Variants in CEP97 observed in about 807,000 individuals in gnomAD.
CEP97 encodes the protein centrosomal protein of 97 kDa.
Under a neutral mutation model 73.1 loss-of-function variants are expected in CEP97, and 43 were observed. That is an observed-to-expected ratio of 0.59 (90% CI 0.46 to 0.76). The LOEUF (loss-of-function observed/expected upper bound fraction) is 0.76. CEP97 is among the 30% of genes least tolerant of loss of function. CEP97 has a pLI of 0.00. For missense variants in CEP97, 939 were observed against 1,014.0 expected (o/e 0.93, Z 1.00); for synonymous variants, 337 against 370.0 (o/e 0.91, Z 1.02).
At chr3:101,726,062 G>A (rs1288948676) in intron 1 of CEP97, among the ~76,000 whole-genome samples, 5 of 152,310 alleles carry the variant, frequency 3.3e-5, no homozygotes, top group African/African-American at 9.6e-5. Flanking sequence ...CTTATTGAGT[G>A]CCCGGTGGCA....
chr3:101,743,022 T>C (rs1363575207), intron 6 of CEP97, among the ~76,000 whole-genome samples: 1 of 152,058 alleles, frequency 6.6e-6, no homozygotes, highest in Non-Finnish European at 1.5e-5. Flanking sequence ...GGTGGGTGGA[T>C]TGCTTGAGCC....
intron 7 of CEP97, 128 bp downstream of exon 7, chr3:101,755,722 A>C (rs891186776): frequency 1.2e-6 from 1 of 844,158 alleles, no homozygotes; most frequent in African/African-American, 1.7e-5. Flanking sequence ...TCCCCTTGTC[A>C]CTGCAACAGT....
rs982926050 is a variant in CEP97 at position 101,751,185 on chromosome 3, T to A, written c.729-4245T>A. On this transcript the variant is annotated intron_variant, in intron 6 of 10. Transcript: ENST00000341893. The stretch of plus-strand genomic sequence containing the variant: ...TTCGTTATGTACCCAGTAGTCAATC[T>A]GGAGCAGGTTGTTCAGTTACCATGT... Among the ~76,000 whole-genome samples, 5 of 152,326 alleles carry A rather than the reference T, an allele frequency of 3.3e-5. No homozygotes were observed. In the East Asian group the frequency reaches 7.7e-4, roughly 23 times the overall value.
intron 4 of CEP97, among the ~76,000 whole-genome samples, chr3:101,730,574 A>ATT (rs11293857): frequency 5.5e-4 from 80 of 144,482 alleles, no homozygotes; most frequent in South Asian, 8.8e-4. Flanking sequence ...CCAAGTCTGG[A>ATT]TTTTTTTTTT....
At chr3:101,744,985 A>G (rs767425711) in intron 6 of CEP97, among the ~76,000 whole-genome samples, 1 of 152,238 alleles carries the variant, frequency 6.6e-6, no homozygotes, top group Admixed American at 6.5e-5. Flanking sequence ...TGTATTACCC[A>G]AAAGAGTAAC....
chr3:101,757,407 A>G (rs958013485), intron 8 of CEP97, among the ~76,000 whole-genome samples: 7 of 152,210 alleles, frequency 4.6e-5, no homozygotes, highest in African/African-American at 1.7e-4. Context: ...AAACATTTCA[A>G]GGACTACTAC....
In CEP97 at chr3:101,731,861, A is replaced by G; in HGVS notation, c.469A>G (p.Ile157Val). ...CAAGACCCTGCTTTTACATGGAAAC[A>G]TCATCACCTCTCTTAGAATGGCACC... is the stretch of plus-strand genomic sequence containing the variant. ...SLKTLLLHGN[I>V]ITSLRMAPAY... The change falls in exon 5 of 11, where the codon ATC becomes GTC. Residue 157 changes from isoleucine to valine, a missense_variant. Transcript: ENST00000341893. 2 of 1,602,144 alleles carry G rather than the reference A, an allele frequency of 1.2e-6. No individual in the cohort carries two copies. The highest frequency in any genetic ancestry group is 1.7e-6 in the Non-Finnish European group (2 of 1,169,832).
chr3:101,734,595 T>C (rs1181014934), intron 6 of CEP97, among the ~76,000 whole-genome samples: 1 of 152,180 alleles, frequency 6.6e-6, no homozygotes, highest in Admixed American at 6.5e-5. Context: ...AAGAGCTAGA[T>C]AGTGGTGGTG....
intron 9 of CEP97, among the ~76,000 whole-genome samples, chr3:101,759,675 C>G (rs1268627984): frequency 6.6e-6 from 1 of 152,164 alleles, no homozygotes; most frequent in African/African-American, 2.4e-5. Context: ...AGGAGTCAGT[C>G]AAGGGCCAGT....
At chr3:101,746,712 A>C (rs1232129333) in intron 6 of CEP97, among the ~76,000 whole-genome samples, 1 of 152,250 alleles carries the variant, frequency 6.6e-6, no homozygotes, top group Non-Finnish European at 1.5e-5. Context: ...TCTGCACAGC[A>C]AAAGAAACTA....
intron 6 of CEP97, among the ~76,000 whole-genome samples, chr3:101,735,195 T>C (rs1269934841): frequency 7.9e-5 from 12 of 152,206 alleles, no homozygotes; most frequent in African/African-American, 2.9e-4. Context: ...TAAATAATGA[T>C]AAAAAAGTCT....
In CEP97 at chr3:101,758,053, C is replaced by T. The variant is rs1235438627; in HGVS notation, c.1447C>T (p.Pro483Ser). ...TEVNEKAGLL[P>S]CPEPTIISAI... ...GGTAAATGAGAAAGCTGGACTATTA[C>T]CTTGTCCTGAGCCAACAATAATCAG... Residue 483 changes from proline to serine, a missense_variant, in exon 9 of 11, where the codon CCT becomes TCT. Coordinates refer to ENST00000341893, the MANE Select transcript of CEP97 (RefSeq NM_024548.4). 6.2e-7 allele frequency: 1 copy of T among 1,614,088 alleles called. No homozygotes were observed. The highest frequency in any genetic ancestry group is 1.3e-5 in the African/African-American group (1 of 74,924).
chr3:101,754,353 T>C (rs1454397646), intron 6 of CEP97, among the ~76,000 whole-genome samples: 1 of 152,222 alleles, frequency 6.6e-6, no homozygotes, highest in Non-Finnish European at 1.5e-5. Context: ...TAAAAAAAAT[T>C]AACCAAGTGC....
At chr3:101,739,299 A>G (rs977503844) in intron 6 of CEP97, among the ~76,000 whole-genome samples, 1 of 152,112 alleles carries the variant, frequency 6.6e-6, no homozygotes, top group Non-Finnish European at 1.5e-5. Context: ...AAAAAGAGGG[A>G]CTCCTCCCTA....
intron 1 of CEP97, among the ~76,000 whole-genome samples, chr3:101,724,951 C>T (rs1937830286): frequency 6.6e-6 from 1 of 152,242 alleles, no homozygotes. Context: ...CAGAAGCCTT[C>T]GCGCGGCCCG....
At chr3:101,747,892 A>G (rs1938673051) in intron 6 of CEP97, among the ~76,000 whole-genome samples, 2 of 151,688 alleles carry the variant, frequency 1.3e-5, no homozygotes, top group Admixed American at 1.3e-4. Flanking sequence ...GAAGGTCAAC[A>G]CAGGAGGATC....
rs1029047766 is a variant in CEP97 at position 101,742,016 on chromosome 3, T to G, written c.728+9362T>G. ...GAGATTGTGCCATTGCACTCCAGCC[T>G]GGGTGACAGAGTGAGACTCCGTCTC... On this transcript the variant is annotated intron_variant, in intron 6 of 10. Transcript: ENST00000341893. 1.1e-3 allele frequency among the ~76,000 whole-genome samples: 161 copies of G among 147,224 alleles called. 3 individuals are homozygous for G. The highest frequency in any genetic ancestry group is 1.8e-4 in the Non-Finnish European group (12 of 67,280).
intron 6 of CEP97, among the ~76,000 whole-genome samples, chr3:101,738,690 T>C (rs1246337923): frequency 6.6e-6 from 1 of 152,086 alleles, no homozygotes; most frequent in Non-Finnish European, 1.5e-5. Context: ...AAGCAGTGTG[T>C]AGAGGGAAAT....
rs1014341390 is a variant in CEP97 at position 101,757,001 on chromosome 3, A to G, written c.894-62A>G. 129 of 1,451,156 alleles carry G rather than the reference A, an allele frequency of 8.9e-5. No homozygotes were observed. The African/African-American group carries it at 1.7e-3, about 20-fold the overall frequency. The allele number at this position is 1,451,156 out of a possible 1,614,324, so 89.9% of individuals were successfully genotyped here. A position where few individuals can be genotyped will look rare whatever the true frequency, so the allele number is the denominator to read the frequency against. Reference sequence around the variant, plus strand: ...TGCCTTTTTGACATTGTTACCTAGGAAGCAGAAAATCTTTCTTTTTTTGGT... The same window carrying G: ...TGCCTTTTTGACATTGTTACCTAGGGAGCAGAAAATCTTTCTTTTTTTGGT... On this transcript the variant is annotated intron_variant, in intron 7 of 10. Transcript: ENST00000341893.
Sources: allele counts gnomAD v4.1 joint callset (sites outside exome capture counted in the v4.1 genomes callset), GRCh38; gene constraint gnomAD v4.1.1; transcripts MANE v1.5; gene names NCBI Gene and HGNC (gene_info 2026-07-23, HGNC 2026-07-21).